The following FAM133B variants were observed in gnomAD, a reference collection of about 807,000 sequenced individuals.
FAM133B encodes the protein protein FAM133B.
Under a neutral mutation model 46.4 loss-of-function variants are expected in FAM133B, and 25 were observed. The observed-to-expected ratio is 0.54, with a 90% confidence interval of 0.39 to 0.75. FAM133B has a LOEUF of 0.75. Among genes scored for constraint, FAM133B ranks in the 30% least tolerant of loss-of-function variants. FAM133B has a pLI of 0.00. For missense variants in FAM133B, 205 were observed against 277.6 expected (o/e 0.74, Z 1.86); for synonymous variants, 75 against 86.0 (o/e 0.87, Z 0.71).
At position 92,574,205 on chromosome 7, in the gene FAM133B, G is replaced by A. The variant is rs192064377; in HGVS notation, c.516+1566C>T. ...GTCCATCAACAAATGAATGGATGGC[G>A]AAATCCGCCACACACACACACGGAA... On this transcript the variant is annotated intron_variant, in intron 8 of 10. Coordinates refer to ENST00000445716, the MANE Select transcript of FAM133B (RefSeq NM_152789.4). Among the ~76,000 whole-genome samples the A allele has an allele frequency of 1.5e-3, 231 of 152,188 alleles. 1 individual carries two copies. Among genetic ancestry groups the A allele is most frequent in the African/African-American group, 5.1e-3 (211 of 41,518 alleles).
At chr7:92,581,829 T>A in intron 1 of FAM133B, 1 of 407,156 alleles carries the variant, frequency 2.5e-6, no homozygotes, top group Non-Finnish European at 4.3e-6. Context: ...TGTGTGTGTG[T>A]GTGTTTTACA....
intron 1 of FAM133B, among the ~76,000 whole-genome samples, chr7:92,582,163 C>T (rs1794899052): frequency 1.3e-5 from 2 of 152,104 alleles, no homozygotes; most frequent in Admixed American, 6.6e-5. Context: ...ACAGGAGAAT[C>T]ACTTGAACCC....
intron 1 of FAM133B, among the ~76,000 whole-genome samples, chr7:92,586,036 TA>T (rs1307239178): frequency 6.6e-6 from 1 of 152,228 alleles, no homozygotes; most frequent in African/African-American, 2.4e-5. Context: ...AGTACATTAA[TA>T]TTTTTACATC....
At chr7:92,572,995 G>A (rs2116393679) in intron 8 of FAM133B, among the ~76,000 whole-genome samples, 1 of 151,542 alleles carries the variant, frequency 6.6e-6, no homozygotes, top group Non-Finnish European at 1.5e-5. Flanking sequence ...ATAATACACA[G>A]TATTCTTCCC....
intron 8 of FAM133B, among the ~76,000 whole-genome samples, chr7:92,574,756 T>C (rs1285735281): frequency 1.3e-5 from 2 of 151,356 alleles, no homozygotes; most frequent in African/African-American, 2.4e-5. Flanking sequence ...ATACAAAAAA[T>C]TAGCCGGGCG....
At chr7:92,567,198 T>C (rs77226173) in intron 9 of FAM133B, among the ~76,000 whole-genome samples, 9,687 of 152,244 alleles carry the variant, frequency 0.064, 395 homozygotes, top group Non-Finnish European at 0.087. Flanking sequence ...GCCTGGGCGA[T>C]AGAGCAAGAA....
intron 1 of FAM133B, among the ~76,000 whole-genome samples, chr7:92,588,536 A>G (rs1439848214): frequency 6.6e-6 from 1 of 152,204 alleles, no homozygotes; most frequent in Non-Finnish European, 1.5e-5. Context: ...CTATCTTGTA[A>G]TCAAGATTCA....
intron 1 of FAM133B, 82 bp downstream of exon 1, chr7:92,590,186 C>T: frequency 1.2e-6 from 2 of 1,608,658 alleles, no homozygotes; most frequent in Middle Eastern, 1.7e-4. Flanking sequence ...TGCCCTCCGG[C>T]CCGGCCGGGA....
At position 92,562,336 on chromosome 7, in the gene FAM133B, TTTC is replaced by T. The variant is rs1188186579; in HGVS notation, c.687_689del (p.Lys230del). 6.5e-7 allele frequency: 1 copy of T among 1,534,180 alleles called. No individual in the cohort carries two copies. ...CCTTCTTTTTCTTCTTCTTACTGTGTTTCTTATGCTTCTTTTTCTTTTTTGTTT... is the reference window on the plus strand; with the variant it reads ...CCTTCTTTTTCTTCTTCTTACTGTGTTTATGCTTCTTTTTCTTTTTTGTTT... On this transcript the variant is annotated inframe_deletion, in exon 11 of 11. Transcript: ENST00000445716.
chr7:92,587,259 GT>G (rs1795061193), intron 1 of FAM133B, among the ~76,000 whole-genome samples: 1 of 152,154 alleles, frequency 6.6e-6, no homozygotes, highest in African/African-American at 2.4e-5. Flanking sequence ...AACAGGAACT[GT>G]TTTTGAGACA....
In FAM133B at chr7:92,580,032, CAA is replaced by C. The variant is rs1207178147; in HGVS notation, c.123-639_123-638del. 2.6e-5 allele frequency among the ~76,000 whole-genome samples: 4 copies of C among 152,172 alleles called. No individual in the cohort carries two copies. In the East Asian group the frequency reaches 7.7e-4, roughly 29 times the overall value. On this transcript the variant is annotated intron_variant, in intron 2 of 10. Coordinates refer to ENST00000445716, the MANE Select transcript of FAM133B (RefSeq NM_152789.4). ...TTGTTCCTAAAACTGTTTGTACAAACAATGTAGTTCAAGCTAAATACCTGTTT... is the reference window on the plus strand; with the variant it reads ...TTGTTCCTAAAACTGTTTGTACAAACTGTAGTTCAAGCTAAATACCTGTTT...
intron 8 of FAM133B, among the ~76,000 whole-genome samples, chr7:92,571,433 GTAGT>G (rs1252221060): frequency 6.6e-6 from 1 of 152,108 alleles, no homozygotes; most frequent in Non-Finnish European, 1.5e-5. Flanking sequence ...TCTGTTCATT[GTAGT>G]TAAACTTTGT....
intron 1 of FAM133B, among the ~76,000 whole-genome samples, chr7:92,589,023 C>G (rs766722515): frequency 6.6e-6 from 1 of 152,188 alleles, no homozygotes; most frequent in Non-Finnish European, 1.5e-5. Context: ...CAAGAACTGG[C>G]TACTACAGAT....
At chr7:92,578,862 A>G (rs1185569794) in intron 3 of FAM133B, among the ~76,000 whole-genome samples, 1 of 152,100 alleles carries the variant, frequency 6.6e-6, no homozygotes, top group Non-Finnish European at 1.5e-5. Flanking sequence ...CCTGGGCAAC[A>G]TAGTGAGAAC....
intron 2 of FAM133B, among the ~76,000 whole-genome samples, chr7:92,580,929 C>T (rs1021389105): frequency 1.3e-5 from 2 of 152,192 alleles, no homozygotes; most frequent in Non-Finnish European, 2.9e-5. Flanking sequence ...CCCTATTATA[C>T]ATAAGCATAC....
chr7:92,581,836 T>G (rs117066728), intron 1 of FAM133B: 14,287 of 407,878 alleles, frequency 0.035, 396 homozygotes, highest in Non-Finnish European at 0.044. Flanking sequence ...GTGTGTGTTT[T>G]ACAAGAGATT....
At chr7:92,567,059 T>C (rs1794372644) in intron 9 of FAM133B, among the ~76,000 whole-genome samples, 1 of 151,902 alleles carries the variant, frequency 6.6e-6, no homozygotes, top group Admixed American at 6.6e-5. Flanking sequence ...AAAAAAATTT[T>C]TGTTAAAAAT....
At chr7:92,577,223 G>T in intron 6 of FAM133B, 28 bp from the exon 7 acceptor site, 4 of 1,366,848 alleles carry the variant, frequency 2.9e-6, no homozygotes, top group Non-Finnish European at 3.9e-6. Flanking sequence ...AGAAACATTT[G>T]CTTTCTGTCT....
chr7:92,588,583 G>A (rs906089875), intron 1 of FAM133B, among the ~76,000 whole-genome samples: 3 of 152,190 alleles, frequency 2.0e-5, no homozygotes, highest in Non-Finnish European at 2.9e-5. Context: ...CCATTATAAA[G>A]ACTATACAGA....
Sources: gnomAD v4.1 joint callset for allele counts (sites outside exome capture counted in the v4.1 genomes callset) on GRCh38, gnomAD v4.1.1 for gene constraint, MANE v1.5 for transcripts, NCBI Gene and HGNC (gene_info 2026-07-23, HGNC 2026-07-21) for gene names.